Variants in ASH1L observed in about 807,000 individuals in gnomAD.
The protein encoded by ASH1L is ASH1 like histone lysine methyltransferase.
Under a neutral mutation model 269.0 loss-of-function variants are expected in ASH1L, and 23 were observed. That is an observed-to-expected ratio of 0.09 (90% CI 0.06 to 0.12). The LOEUF (loss-of-function observed/expected upper bound fraction) is 0.12. Ranked by LOEUF, ASH1L falls within the 10% of genes least tolerant of loss-of-function variation. ASH1L has a pLI of 1.00. For synonymous variants in ASH1L, 1,187 were observed against 1,253.5 expected, an observed-to-expected ratio of 0.95 and a Z score of 1.12; for missense variants, 2,912 against 3,567.8, an observed-to-expected ratio of 0.82 and a Z score of 4.68.
At chr1:155,366,959 A>T (rs1655483248) in intron 12 of ASH1L, among the ~76,000 whole-genome samples, 5 of 141,044 alleles carry the variant, frequency 3.5e-5, no homozygotes, top group Non-Finnish European at 6.0e-5. Context: ...TACAGGCGTG[A>T]GCCATTGCAA....
chr1:155,550,433 T>C (rs1671117705), intron 1 of ASH1L, among the ~76,000 whole-genome samples: 1 of 152,182 alleles, frequency 6.6e-6, no homozygotes, highest in African/African-American at 2.4e-5. Flanking sequence ...ACTAGATACC[T>C]ATCAAGTCTT....
Position 155,380,803 on chromosome 1 carries a change from A to ATT in ASH1L, c.6104-689_6104-688dup, listed in dbSNP as rs34017490. ...GTGCTACCACACCCAGCTAATTTGTATTTTTTTTTTTTTTTTAGTAGAGAC... is the reference window on the plus strand; with the variant it reads ...GTGCTACCACACCCAGCTAATTTGTATTTTTTTTTTTTTTTTTTAGTAGAGAC... On this transcript the variant is annotated intron_variant, in intron 7 of 27. Coordinates refer to ENST00000392403, the MANE Select transcript of ASH1L (RefSeq NM_018489.3). Among the ~76,000 whole-genome samples the ATT allele has an allele frequency of 1.9e-3, 239 of 126,348 alleles. 1 individual carries two copies. The highest frequency in any genetic ancestry group is 1.5e-3 in the Non-Finnish European group (88 of 58,956). The allele number at this position is 126,348 out of a possible 152,430, so 82.9% of individuals were successfully genotyped here.
chr1:155,405,251 G>A (rs1025023793), intron 6 of ASH1L, among the ~76,000 whole-genome samples: 1 of 151,852 alleles, frequency 6.6e-6, no homozygotes, highest in Non-Finnish European at 1.5e-5. Context: ...GGGGCTGAGG[G>A]GGGGGCAGAT....
chr1:155,471,405 C>T (rs1168766610), intron 3 of ASH1L, among the ~76,000 whole-genome samples: 1 of 152,210 alleles, frequency 6.6e-6, no homozygotes, highest in African/African-American at 2.4e-5. Context: ...CTTTGGGTCA[C>T]CCCAACCTCA....
chr1:155,559,375 A>T (rs1431130805), intron 1 of ASH1L, among the ~76,000 whole-genome samples: 2 of 152,028 alleles, frequency 1.3e-5, no homozygotes, highest in African/African-American at 4.8e-5. Flanking sequence ...GTCTCTACTA[A>T]AAATACAAAA....
intron 4 of ASH1L, chr1:155,440,506 C>G: frequency 2.2e-6 from 2 of 921,038 alleles, no homozygotes; most frequent in Non-Finnish European, 2.6e-6. Context: ...TACTTACTTT[C>G]CCACTGGGAA....
chr1:155,350,262 T>G (rs1411373046), intron 17 of ASH1L, among the ~76,000 whole-genome samples: 1 of 152,136 alleles, frequency 6.6e-6, no homozygotes, highest in East Asian at 1.9e-4. Flanking sequence ...CCTCAGGTGA[T>G]TCACCTGCCT....
intron 1 of ASH1L, among the ~76,000 whole-genome samples, chr1:155,548,520 A>G (rs1319398647): frequency 6.6e-6 from 1 of 152,194 alleles, no homozygotes; most frequent in African/African-American, 2.4e-5. Context: ...CAGACTCCGT[A>G]TCAAACAAAA....
chr1:155,464,270 T>G (rs1664516798), intron 3 of ASH1L, among the ~76,000 whole-genome samples: 1 of 152,190 alleles, frequency 6.6e-6, no homozygotes, highest in Admixed American at 6.5e-5. Context: ...TGACACTTCC[T>G]CAAAGCATAC....
chr1:155,493,260 T>C (rs1476246046), intron 2 of ASH1L, among the ~76,000 whole-genome samples: 7 of 152,216 alleles, frequency 4.6e-5, no homozygotes, highest in Admixed American at 1.3e-4. Context: ...TGAGATATGA[T>C]TGAAGTTTTT....
chr1:155,490,518 G>T (rs1666690934), intron 2 of ASH1L, among the ~76,000 whole-genome samples: 1 of 151,678 alleles, frequency 6.6e-6, no homozygotes, highest in Admixed American at 6.6e-5. Context: ...TTCTGAGGTA[G>T]GCTGAGGCAG....
At chr1:155,422,752 G>A (rs1335716867) in intron 5 of ASH1L, among the ~76,000 whole-genome samples, 1 of 149,562 alleles carries the variant, frequency 6.7e-6, no homozygotes, top group Non-Finnish European at 1.5e-5. Context: ...GGGTTCAAGC[G>A]ATTTCTCCTG....
At chr1:155,528,879 G>GTGTGTTGTTCCCCTCTATGTGTCCA (rs1669456740) in intron 1 of ASH1L, among the ~76,000 whole-genome samples, 1 of 151,950 alleles carries the variant, frequency 6.6e-6, no homozygotes, top group Non-Finnish European at 1.5e-5. Context: ...AAGCCCCAGT[G>GTGTGTTGTTCCCCTCTATGTGTCCA]TGTGTTGTTC....
chr1:155,526,034 T>C (rs1000897225), intron 1 of ASH1L, among the ~76,000 whole-genome samples: 2 of 152,176 alleles, frequency 1.3e-5, no homozygotes, highest in African/African-American at 4.8e-5. Flanking sequence ...TTTAATTTTT[T>C]CTAATATTTT....
chr1:155,337,565 G>A lies in ASH1L; in HGVS notation c.*95C>T, dbSNP rs1570930980. ...TGGCCCCATTCCCCTTGCCCAGATG[G>A]ACCCTTCCCACCCCTGTCTATACCC... On this transcript the variant is annotated 3_prime_UTR_variant, in exon 28 of 28. Transcript: ENST00000392403. 1.9e-6 allele frequency: 2 copies of A among 1,037,006 alleles called. No individual in the cohort carries two copies. Among genetic ancestry groups the A allele is most frequent in the East Asian group, 2.4e-5 (1 of 41,812 alleles). The allele number at this position is 1,037,006 out of a possible 1,614,324, so 64.2% of individuals were successfully genotyped here.
intron 2 of ASH1L, among the ~76,000 whole-genome samples, chr1:155,498,034 G>A (rs1280263156): frequency 6.6e-6 from 1 of 152,106 alleles, no homozygotes; most frequent in Non-Finnish European, 1.5e-5. Flanking sequence ...TTACAGGCGT[G>A]AGCCACCACG....
intron 7 of ASH1L, among the ~76,000 whole-genome samples, chr1:155,380,700 G>A (rs974053136): frequency 6.6e-6 from 1 of 151,358 alleles, no homozygotes; most frequent in East Asian, 1.9e-4. Flanking sequence ...GTGCGATCTC[G>A]GCTCACTGTA....
intron 5 of ASH1L, among the ~76,000 whole-genome samples, chr1:155,431,136 A>G (rs1401601392): frequency 6.6e-6 from 1 of 151,974 alleles, no homozygotes; most frequent in Non-Finnish European, 1.5e-5. Flanking sequence ...GCTAGAACCC[A>G]AGAGGTGGAG....
rs1185661298 is a variant in ASH1L at position 155,481,375 on chromosome 1, T to C, written c.1495A>G (p.Thr499Ala). ...GAGAAACTGTCTTGCTGAATGCATG[T>C]TCCTTCATTAAACATTTCTTTCTCC... Reference protein sequence around the residue: ...NLEKEMFNEGTCIQQDSFSSS... With the variant: ...NLEKEMFNEGACIQQDSFSSS... Residue 499 changes from threonine (T) to alanine (A), a missense_variant, in exon 3 of 28, where the codon ACA becomes GCA. This residue lies in a region of ASH1L where 715 missense variants were observed against 721.0 expected (regional missense o/e 0.99). Coordinates refer to ENST00000392403, the MANE Select transcript of ASH1L (RefSeq NM_018489.3). 3 of 1,614,044 alleles carry C rather than the reference T, an allele frequency of 1.9e-6. No individual in the cohort carries two copies. Among genetic ancestry groups the C allele is most frequent in the South Asian group, 1.1e-5 (1 of 91,090 alleles).
Sources: gnomAD v4.1 joint callset for allele counts (sites outside exome capture counted in the v4.1 genomes callset) on GRCh38, gnomAD v4.1.1 for gene constraint, gnomAD v4.1.1 regional missense constraint, MANE v1.5 for transcripts, NCBI Gene and HGNC (gene_info 2026-07-23, HGNC 2026-07-21) for gene names.